The following GUCY2C variants were observed in gnomAD, a reference collection of about 807,000 sequenced individuals.
GUCY2C encodes guanylyl cyclase C.
A neutral mutation model predicts 131.1 loss-of-function variants in GUCY2C; 118 were observed. The observed-to-expected ratio is 0.90, with a 90% CI of 0.78 to 1.05. GUCY2C has a LOEUF of 1.05. Among genes scored for constraint, GUCY2C ranks in the 50% least tolerant of loss-of-function variants. The probability of loss-of-function intolerance (pLI) is 0.00; values close to 1 mark genes in which losing one functional copy is unlikely to be tolerated. For missense variants in GUCY2C, 1,161 were observed against 1,304.4 expected, an observed-to-expected ratio of 0.89 and a Z score of 1.69; for synonymous variants, 452 against 457.8, an observed-to-expected ratio of 0.99 and a Z score of 0.16.
In GUCY2C at chr12:14,671,904, A is replaced by G. The variant is rs144086797; in HGVS notation, c.1170+969T>C. On this transcript the variant is annotated intron_variant, in intron 9 of 26. Transcript: ENST00000261170. ...ATATTGAAGGTTCAATATAGTATCT[A>G]GAAACTACGAATTACATTTATGGAA... Among the ~76,000 whole-genome samples the G allele has an allele frequency of 9.7e-4, 148 of 152,354 alleles. 1 individual carries two copies. The East Asian group carries it at 0.014, about 15-fold the overall frequency.
intron 1 of GUCY2C, among the ~76,000 whole-genome samples, chr12:14,694,388 C>A (rs1298455825): frequency 6.6e-6 from 1 of 152,188 alleles, no homozygotes; most frequent in African/African-American, 2.4e-5. Context: ...CAGTGTCAAC[C>A]ATGCTAACCT....
intron 12 of GUCY2C, among the ~76,000 whole-genome samples, chr12:14,655,147 G>T (rs770016386): frequency 1.2e-4 from 19 of 152,282 alleles, no homozygotes; most frequent in Non-Finnish European, 2.8e-4. Context: ...TTTTGGTTTT[G>T]AGTGCTTCAC....
intron 9 of GUCY2C, among the ~76,000 whole-genome samples, chr12:14,670,788 T>C (rs568011325): frequency 4.3e-4 from 66 of 151,896 alleles, no homozygotes; most frequent in African/African-American, 1.5e-3. Context: ...CCAGCCTCGC[T>C]GGGGAGTCCA....
chr12:14,645,083 C>T (rs1047332346), intron 16 of GUCY2C, 146 bp downstream of exon 16: 1 of 521,566 alleles, frequency 1.9e-6, no homozygotes, highest in Non-Finnish European at 3.4e-6. Flanking sequence ...ACAAAATCCT[C>T]ATAACCTAAA....
Position 14,645,900 on chromosome 12 carries a change from A to G in GUCY2C, c.1711-585T>C, listed in dbSNP as rs577716526. On this transcript the variant is annotated intron_variant, in intron 15 of 26. Coordinates refer to ENST00000261170, the MANE Select transcript of GUCY2C (RefSeq NM_004963.4). ...GCCCAGGCTGGCATGCAGTGGCACA[A>G]TCTCAGCTCATTGCAACCTGTGCCT... is the stretch of plus-strand genomic sequence containing the variant. 1.1e-4 allele frequency among the ~76,000 whole-genome samples: 17 copies of G among 151,962 alleles called. No homozygotes were observed. In the South Asian group the frequency reaches 3.5e-3, roughly 32 times the overall value.
In GUCY2C at chr12:14,660,998, G is replaced by C. The variant is rs764076044; in HGVS notation, c.1347C>G (p.Val449=). 6.2e-7 allele frequency: 1 copy of C among 1,611,460 alleles called. No individual in the cohort carries two copies. The highest frequency in any genetic ancestry group is 1.7e-5 in the Admixed American group (1 of 59,988). Residue 449 remains valine, a synonymous_variant, in exon 11 of 27, where the codon GTC becomes GTG. Transcript: ENST00000261170. ...GGCTGTACCTGAGCATCAGGAGAGC[G>C]ACGAGCAGGAGCAGCACCACAGCTC... ...LTGAVVLLLL[V]ALLMLRKYRK...
At chr12:14,671,839 G>A (rs568630037) in intron 9 of GUCY2C, among the ~76,000 whole-genome samples, 22 of 152,312 alleles carry the variant, frequency 1.4e-4, no homozygotes, top group South Asian at 8.3e-4. Flanking sequence ...GGGATCTTAT[G>A]TTAAGGTATT....
Position 14,696,383 on chromosome 12 carries a change from A to G in GUCY2C, c.66T>C (p.Phe22=). The part of the protein sequence containing the change: ...SLLFQPGWLS[F]SSQVSQNCHN... ...GGCAGTTCTGACTCACCTGGGAACT[A>G]AAGGACAGCCACCCGGGCTGGAAGA... Residue 22 remains phenylalanine (F), a synonymous_variant, in exon 1 of 27, where the codon TTT becomes TTC. Transcript: ENST00000261170. The G allele has an allele frequency of 6.2e-7, 1 of 1,614,110 alleles. No homozygotes were observed. The highest frequency in any genetic ancestry group is 8.5e-7 in the Non-Finnish European group (1 of 1,179,998).
chr12:14,671,638 G>A (rs945310959), intron 9 of GUCY2C, among the ~76,000 whole-genome samples: 5 of 152,020 alleles, frequency 3.3e-5, no homozygotes, highest in African/African-American at 1.2e-4. Context: ...AAATTCACCC[G>A]AATTTGCTTA....
At chr12:14,679,789 G>T in intron 5 of GUCY2C, 36 bp from the exon 6 acceptor site, 1 of 1,059,018 alleles carries the variant, frequency 9.4e-7, no homozygotes, top group South Asian at 1.3e-5. Context: ...AGAAATATAT[G>T]ACAGTCTACA....
chr12:14,659,274 A>G (rs2137050840), intron 11 of GUCY2C, among the ~76,000 whole-genome samples: 1 of 152,216 alleles, frequency 6.6e-6, no homozygotes, highest in South Asian at 2.1e-4. Context: ...TGAACTCCTG[A>G]CCTCATGATT....
chr12:14,641,244 C>A, intron 17 of GUCY2C, 25 bp from the exon 18 acceptor site: 1 of 1,611,264 alleles, frequency 6.2e-7, no homozygotes, highest in Non-Finnish European at 8.5e-7. Flanking sequence ...ATTGAGATTA[C>A]AAAGTTGAGG....
intron 3 of GUCY2C, among the ~76,000 whole-genome samples, chr12:14,684,333 C>T (rs12825519): frequency 0.033 from 5,047 of 152,016 alleles, 145 homozygotes; most frequent in East Asian, 0.15. Context: ...ATGTACTTCT[C>T]TCCCTCTGCC....
intron 19 of GUCY2C, among the ~76,000 whole-genome samples, chr12:14,639,506 T>C (rs1947350953): frequency 6.6e-6 from 1 of 152,094 alleles, no homozygotes; most frequent in South Asian, 2.1e-4. Context: ...GTTACAATTC[T>C]TGAGATGAGG....
chr12:14,623,549 A>G (rs1282293276), intron 21 of GUCY2C, among the ~76,000 whole-genome samples: 2 of 152,190 alleles, frequency 1.3e-5, no homozygotes, highest in Admixed American at 6.5e-5. Context: ...ACAAAATTGG[A>G]TATTCTGCCA....
chr12:14,666,064 G>A (rs1183310213), intron 10 of GUCY2C: 1 of 152,382 alleles, frequency 6.6e-6, no homozygotes, highest in Admixed American at 6.5e-5. Context: ...GAAGCAGTAG[G>A]TTATATAGGG....
chr12:14,682,810 G>T (rs1208221772), intron 4 of GUCY2C, among the ~76,000 whole-genome samples: 1 of 152,106 alleles, frequency 6.6e-6, no homozygotes, highest in African/African-American at 2.4e-5. Context: ...TGATGTGAAC[G>T]TACTTTCAAA....
chr12:14,634,362 C>A (rs1012003171), intron 19 of GUCY2C, among the ~76,000 whole-genome samples: 7 of 152,280 alleles, frequency 4.6e-5, no homozygotes, highest in African/African-American at 1.7e-4. Context: ...CACCCCTAGA[C>A]CTCCCCTACA....
In GUCY2C at chr12:14,696,566, C is replaced by A. The variant is rs933094927; in HGVS notation, c.-118G>T. 2.8e-6 allele frequency: 2 copies of A among 708,288 alleles called. No individual in the cohort carries two copies. The highest frequency in any genetic ancestry group is 1.7e-5 in the South Asian group (1 of 58,392). 43.9% of individuals were successfully genotyped at this position (708,288 alleles called of 1,614,324 possible). A position where few individuals can be genotyped will look rare whatever the true frequency, so the allele number is the denominator to read the frequency against. On this transcript the variant is annotated 5_prime_UTR_variant, in exon 1 of 27. The change creates a premature stop within an existing upstream ORF in the 5' untranslated region. Transcript: ENST00000261170. ...TAGTGGAGTCCCTCAGCCCACTCTT[C>A]CCCACGCTTCTCTCTGGTCATGCCC...
Sources: allele counts gnomAD v4.1 joint callset (sites outside exome capture counted in the v4.1 genomes callset), GRCh38; gene constraint gnomAD v4.1.1; transcripts MANE v1.5; gene names NCBI Gene and HGNC (gene_info 2026-07-23, HGNC 2026-07-21).